The following SLC44A5 variants were observed in gnomAD, a reference collection of about 807,000 sequenced individuals.
SLC44A5 encodes the protein solute carrier family 44 member 5.
In SLC44A5, 57 loss-of-function variants were observed where a neutral mutation model predicts 101.8. The observed-to-expected ratio is 0.56, with a 90% confidence interval of 0.45 to 0.70. The LOEUF is 0.70. Among genes scored for constraint, SLC44A5 ranks in the 30% least tolerant of loss-of-function variants. SLC44A5 has a pLI of 0.00. For synonymous variants in SLC44A5, 281 were observed against 290.9 expected (o/e 0.97, Z 0.35); for missense variants, 737 against 853.1 (o/e 0.86, Z 1.70).
chr1:75,251,165 T>C, intron 7 of SLC44A5, 45 bp downstream of exon 7: 3 of 1,427,552 alleles, frequency 2.1e-6, no homozygotes, highest in Non-Finnish European at 3.0e-6. Context: ...TATCCAAGAA[T>C]GTTCAGAACG....
At chr1:75,698,772 G>C in the SLC44A5 span, among the ~76,000 whole-genome samples, 1 of 152,138 alleles carries the variant, frequency 6.6e-6, no homozygotes, top group African/African-American at 2.4e-5. Flanking sequence ...TTAGAAGAAT[G>C]TATAACTAGA....
the SLC44A5 span, among the ~76,000 whole-genome samples, chr1:75,672,834 T>C: frequency 6.6e-6 from 1 of 152,082 alleles, no homozygotes; most frequent in South Asian, 2.1e-4. Flanking sequence ...AGGATGACAT[T>C]CATAGACATG....
chr1:75,308,406 CAA>C (rs1313828559), intron 4 of SLC44A5, among the ~76,000 whole-genome samples: 1 of 147,976 alleles, frequency 6.8e-6, no homozygotes, highest in African/African-American at 2.5e-5. Context: ...TTTTTTTTTA[CAA>C]AGAGGAGTTT....
At chr1:75,645,107 A>G in the SLC44A5 span, among the ~76,000 whole-genome samples, 1 of 152,148 alleles carries the variant, frequency 6.6e-6, no homozygotes, top group Non-Finnish European at 1.5e-5. Context: ...GTGTCTTTAT[A>G]GCATCATGAT....
intron 1 of SLC44A5, chr1:75,582,570 C>T (rs1337882344): frequency 1.2e-5 from 5 of 424,028 alleles, no homozygotes; most frequent in Non-Finnish European, 2.1e-5. Context: ...TAGAGATCTC[C>T]ATCTGCCAAT....
At chr1:75,702,504 T>G in the SLC44A5 span, among the ~76,000 whole-genome samples, 113 of 152,114 alleles carry the variant, frequency 7.4e-4, no homozygotes, top group East Asian at 6.0e-3. Context: ...ATACAAAAAT[T>G]AATTCAAGAT....
the SLC44A5 span, among the ~76,000 whole-genome samples, chr1:75,621,153 C>T: frequency 6.6e-6 from 1 of 152,112 alleles, no homozygotes; most frequent in African/African-American, 2.4e-5. Flanking sequence ...CAGAGACACA[C>T]ATTTTTCCTG....
intron 5 of SLC44A5, among the ~76,000 whole-genome samples, chr1:75,276,244 G>A (rs1379203751): frequency 1.3e-5 from 2 of 151,876 alleles, no homozygotes; most frequent in Admixed American, 6.6e-5. Flanking sequence ...GTATCTTCCC[G>A]TCTCTATTTC....
chr1:75,531,839 T>C (rs1386171800), intron 2 of SLC44A5, among the ~76,000 whole-genome samples: 1 of 151,880 alleles, frequency 6.6e-6, no homozygotes, highest in African/African-American at 2.4e-5. Flanking sequence ...GTGTGGTAAA[T>C]AGATTAAGAA....
intron 6 of SLC44A5, among the ~76,000 whole-genome samples, chr1:75,262,076 G>A (rs139031172): frequency 2.6e-5 from 4 of 151,442 alleles, no homozygotes; most frequent in South Asian, 4.2e-4. Context: ...TTTGAAAACC[G>A]GCACAACACA....
At chr1:75,400,176 C>T (rs1662386226) in intron 2 of SLC44A5, among the ~76,000 whole-genome samples, 1 of 152,088 alleles carries the variant, frequency 6.6e-6, no homozygotes, top group South Asian at 2.1e-4. Flanking sequence ...ACATTCATGA[C>T]TCTAAGAAAG....
the SLC44A5 span, among the ~76,000 whole-genome samples, chr1:75,617,109 T>C: frequency 2.0e-5 from 3 of 152,052 alleles, no homozygotes; most frequent in Admixed American, 6.5e-5. Flanking sequence ...AAAGAAACGC[T>C]TAAAGGGTAG....
chr1:75,699,000 A>G, the SLC44A5 span, among the ~76,000 whole-genome samples: 1 of 152,224 alleles, frequency 6.6e-6, no homozygotes, highest in Admixed American at 6.5e-5. Context: ...ATATGGGACT[A>G]TGTGAAAAGA....
At chr1:75,390,303 T>G (rs1661699524) in intron 3 of SLC44A5, among the ~76,000 whole-genome samples, 3 of 151,674 alleles carry the variant, frequency 2.0e-5, no homozygotes, top group African/African-American at 7.3e-5. Flanking sequence ...CCCTAATTCA[T>G]TCTACAAAAC....
intron 6 of SLC44A5, among the ~76,000 whole-genome samples, chr1:75,252,636 G>C (rs1170296433): frequency 6.6e-6 from 1 of 152,202 alleles, no homozygotes; most frequent in Non-Finnish European, 1.5e-5. Context: ...TGCAGTAAGA[G>C]GGGTAGACCA....
At chr1:75,600,406 T>C (rs1674902330) in intron 1 of SLC44A5, among the ~76,000 whole-genome samples, 1 of 152,200 alleles carries the variant, frequency 6.6e-6, no homozygotes, top group South Asian at 2.1e-4. Flanking sequence ...ATGTCTGAAA[T>C]TGTTTGGGGT....
At chr1:75,342,985 T>C (rs968110717) in intron 3 of SLC44A5, among the ~76,000 whole-genome samples, 13 of 152,148 alleles carry the variant, frequency 8.5e-5, no homozygotes. Context: ...GCAAATTTTT[T>C]ATATCCTGCA....
the SLC44A5 span, chr1:75,710,490 G>A: frequency 7.0e-6 from 1 of 143,692 alleles, no homozygotes; most frequent in Non-Finnish European, 1.5e-5. Flanking sequence ...CTTGAGCCCA[G>A]GAGGTCAAGG....
chr1:75,290,727 G>A (rs1051746271), intron 5 of SLC44A5, among the ~76,000 whole-genome samples: 1 of 152,168 alleles, frequency 6.6e-6, no homozygotes, highest in Non-Finnish European at 1.5e-5. Context: ...GCAGGATGAG[G>A]AGAATAAGGA....
Sources: allele counts gnomAD v4.1 joint callset (sites outside exome capture counted in the v4.1 genomes callset), GRCh38; gene constraint gnomAD v4.1.1; transcripts MANE v1.5; gene names NCBI Gene and HGNC (gene_info 2026-07-23, HGNC 2026-07-21).